Variants in CFAP46 observed in about 807,000 individuals in gnomAD.
The protein encoded by CFAP46 is cilia- and flagella-associated protein 46.
Under a neutral mutation model 325.7 loss-of-function variants are expected in CFAP46, and 245 were observed. The ratio of observed to expected loss-of-function variants is 0.75; its 90% CI spans 0.68 to 0.84. The LOEUF is 0.84. CFAP46 is among the 40% of genes least tolerant of loss of function. The probability of loss-of-function intolerance (pLI) is 0.00; values close to 1 mark genes in which losing one functional copy is unlikely to be tolerated. For missense variants in CFAP46, 3,346 were observed against 3,543.0 expected (o/e 0.94, Z 1.41); for synonymous variants, 1,523 against 1,495.9 (o/e 1.02, Z -0.42).
At chr10:132,901,784 C>T (rs544610731) in intron 22 of CFAP46, among the ~76,000 whole-genome samples, 12 of 152,294 alleles carry the variant, frequency 7.9e-5, no homozygotes, top group African/African-American at 2.9e-4. Context: ...GGGAATGGAT[C>T]CTCTTAGCTC....
intron 1 of CFAP46, 132 bp from the exon 2 acceptor site, chr10:132,942,236 G>A (rs575737330): frequency 3.9e-6 from 5 of 1,295,616 alleles, no homozygotes; most frequent in Non-Finnish European, 5.2e-6. Flanking sequence ...ACCTGTCGCC[G>A]CCAGGGAGCA....
At chr10:132,880,061 G>A (rs1276946670) in intron 28 of CFAP46, among the ~76,000 whole-genome samples, 1 of 152,168 alleles carries the variant, frequency 6.6e-6, no homozygotes, top group African/African-American at 2.4e-5. Context: ...GAGCAAGCCA[G>A]CATTGTCGAG....
At chr10:132,938,849 A>G in intron 4 of CFAP46, 96 bp from the exon 5 acceptor site, 5 of 1,200,084 alleles carry the variant, frequency 4.2e-6, no homozygotes, top group Non-Finnish European at 5.9e-6. Flanking sequence ...AGCCCCTCCC[A>G]GGAGGGGCCT....
At chr10:132,855,091 A>C (rs990603537) in intron 39 of CFAP46, among the ~76,000 whole-genome samples, 8 of 152,160 alleles carry the variant, frequency 5.3e-5, no homozygotes, top group African/African-American at 1.9e-4. Context: ...TTTTCTGGCT[A>C]CTTACTCTAT....
At chr10:132,924,341 G>A (rs1469440345) in intron 11 of CFAP46, among the ~76,000 whole-genome samples, 1 of 152,106 alleles carries the variant, frequency 6.6e-6, no homozygotes, top group East Asian at 1.9e-4. Flanking sequence ...CTGACGCTGG[G>A]CCCTCTGAGC....
chr10:132,937,444 A>C, intron 6 of CFAP46, 108 bp downstream of exon 6: 1 of 1,376,624 alleles, frequency 7.3e-7, no homozygotes, highest in Non-Finnish European at 1.0e-6. Context: ...GTATGCATAT[A>C]GATTTTTATA....
intron 32 of CFAP46, among the ~76,000 whole-genome samples, chr10:132,871,241 A>T (rs1338072587): frequency 6.6e-6 from 1 of 152,250 alleles, no homozygotes; most frequent in Admixed American, 6.5e-5. Flanking sequence ...GCCACCCAAG[A>T]GTGCTCACGG....
At chr10:132,855,909 G>C in intron 39 of CFAP46, among the ~76,000 whole-genome samples, 1 of 152,326 alleles carries the variant, frequency 6.6e-6, no homozygotes, top group East Asian at 1.9e-4. Context: ...TTCCCCTGGA[G>C]TTTACGTGTT....
At position 132,942,567 on chromosome 10, in the gene CFAP46, G is replaced by T. The variant is rs780311638; in HGVS notation, c.-83C>A. The stretch of plus-strand genomic sequence containing the variant: ...ACTGTCGGTTGGGTTCTCCAGCCGC[G>T]AGGACCCGGCCACGGTTGCCTGGAG... On this transcript the variant is annotated 5_prime_UTR_variant, in exon 1 of 58. Transcript: ENST00000368586. The T allele has an allele frequency of 3.4e-6, 4 of 1,161,702 alleles. No individual in the cohort carries two copies. Among genetic ancestry groups the T allele is most frequent in the Non-Finnish European group, 3.3e-6 (3 of 921,194 alleles). The allele number at this position is 1,161,702 out of a possible 1,614,324, so 72.0% of individuals were successfully genotyped here.
intron 53 of CFAP46, 124 bp from the exon 54 acceptor site, chr10:132,814,378 G>T (rs7070307): frequency 0.65 from 672,618 of 1,031,180 alleles, 224,507 homozygotes; most frequent in African/African-American, 0.93. Context: ...TGCCATGCCC[G>T]GGTGGGGTGA....
intron 5 of CFAP46, 32 bp downstream of exon 5, chr10:132,938,557 A>G: frequency 1.3e-6 from 2 of 1,599,470 alleles, no homozygotes; most frequent in Non-Finnish European, 1.7e-6. Context: ...GCCCACCGGG[A>G]GGCCACAGAG....
In CFAP46 at chr10:132,879,597, G is replaced by A. The variant is rs1410351775; in HGVS notation, c.3834C>T (p.Ser1278=). 2.6e-6 allele frequency: 4 copies of A among 1,544,234 alleles called. No homozygotes were observed. Among genetic ancestry groups the A allele is most frequent in the African/African-American group, 2.7e-5 (2 of 72,902 alleles). Residue 1278 remains serine (S), a synonymous_variant, in exon 29 of 58, where the codon AGC becomes AGT. Coordinates refer to ENST00000368586, the MANE Select transcript of CFAP46 (RefSeq NM_001200049.3). The stretch of plus-strand genomic sequence containing the variant: ...CCGCCTCCTCGGCCTCGGACACGGG[G>A]CTCCGTGGGGGCATCTCCACAGCCA... ...EYVAVEMPPR[S]PVSEAEEAVS...
rs1458121164 is a variant in CFAP46, at chr10:132,879,408, G to A, written c.4005+18C>T. 1 of 1,478,956 alleles carries A rather than the reference G, an allele frequency of 6.8e-7. No homozygotes were observed. Among genetic ancestry groups the A allele is most frequent in the African/African-American group, 1.4e-5 (1 of 71,312 alleles). 91.6% of individuals were successfully genotyped at this position (1,478,956 alleles called of 1,614,324 possible). ...CGGGAGGTGCTGCAGGAGCAGGGGA[G>A]TCTGCGCTGGGCCTCACCTGCCAGA... is the stretch of plus-strand genomic sequence containing the variant. On this transcript the variant is annotated intron_variant, in intron 29 of 57. Coordinates refer to ENST00000368586, the MANE Select transcript of CFAP46 (RefSeq NM_001200049.3).
At chr10:132,845,996 A>G in intron 44 of CFAP46, 61 bp downstream of exon 44, 1 of 1,531,596 alleles carries the variant, frequency 6.5e-7, no homozygotes, top group African/African-American at 1.4e-5. Context: ...GTGCGGCTGC[A>G]GTGTCTGTCC....
At position 132,861,980 on chromosome 10, in the gene CFAP46, C is replaced by T. The variant is rs991404729; in HGVS notation, c.4891-998G>A. ...CAGGACGAGGGAGGGGCCCCAGCCACTAGGGAGGCATGCCCCAGTTGTGCC... is the reference window on the plus strand; with the variant it reads ...CAGGACGAGGGAGGGGCCCCAGCCATTAGGGAGGCATGCCCCAGTTGTGCC... On this transcript the variant is annotated intron_variant, in intron 35 of 57. Transcript: ENST00000368586. 4.6e-5 allele frequency among the ~76,000 whole-genome samples: 7 copies of T among 152,322 alleles called. No homozygotes were observed. The East Asian group carries it at 1.4e-3, about 29-fold the overall frequency.
intron 44 of CFAP46, among the ~76,000 whole-genome samples, chr10:132,839,973 A>C (rs949153726): frequency 1.3e-5 from 2 of 152,210 alleles, no homozygotes; most frequent in African/African-American, 4.8e-5. Flanking sequence ...TCTAGTGTCA[A>C]CGTTCATCTG....
rs1848860009 is a variant in CFAP46 at position 132,869,151 on chromosome 10, G to C, written c.4610+123C>G. 1 of 708,550 alleles carries C rather than the reference G, an allele frequency of 1.4e-6. No individual in the cohort carries two copies. Among genetic ancestry groups the C allele is most frequent in the Admixed American group, 3.3e-5 (1 of 30,228 alleles). The allele number at this position is 708,550 out of a possible 1,614,324, so 43.9% of individuals were successfully genotyped here. On this transcript the variant is annotated intron_variant, in intron 33 of 57. Coordinates refer to ENST00000368586, the MANE Select transcript of CFAP46 (RefSeq NM_001200049.3). This position sits in a 1 kb window ranked among gnomAD's most constrained non-coding sequence, Gnocchi z 6.2. ...AACCGGCCACAGCCGTGTCCCCCAA[G>C]TGCTCACTCTCCCCAGAGGGGCAGG...
rs1236813975 is a variant in CFAP46, at chr10:132,939,100, T to G, written c.372-347A>C. On this transcript the variant is annotated intron_variant, in intron 4 of 57. Coordinates refer to ENST00000368586, the MANE Select transcript of CFAP46 (RefSeq NM_001200049.3). This position sits in a 1 kb window ranked among gnomAD's most constrained non-coding sequence, Gnocchi z 4.6. ...GCCCCCTCCCATGAAAATACACCAC[T>G]GGGCAAGGCCTCCTCTGACTCTCAA... is the stretch of plus-strand genomic sequence containing the variant. 6.6e-6 allele frequency among the ~76,000 whole-genome samples: 1 copy of G among 152,112 alleles called. No individual in the cohort carries two copies. The highest frequency in any genetic ancestry group is 1.5e-5 in the Non-Finnish European group (1 of 68,016).
chr10:132,836,352 C>T (rs948678993), intron 45 of CFAP46, 134 bp from the exon 46 acceptor site: 5 of 763,770 alleles, frequency 6.5e-6, no homozygotes, highest in Non-Finnish European at 1.1e-5. Context: ...GGGCCCTCCC[C>T]GTGTGCGCCT....
Sources: gnomAD v4.1 joint callset for allele counts (sites outside exome capture counted in the v4.1 genomes callset) on GRCh38, gnomAD v4.1.1 for gene constraint, Gnocchi (gnomAD v3.1) non-coding constraint, MANE v1.5 for transcripts, NCBI Gene and HGNC (gene_info 2026-07-23, HGNC 2026-07-21) for gene names.